The following SH3BP2 variants were observed in gnomAD, a reference collection of about 807,000 sequenced individuals.
SH3BP2 encodes SH3 domain binding protein 2.
SH3BP2 carries 38 observed loss-of-function variants against 56.2 expected under a neutral mutation model. The observed-to-expected ratio is 0.68, with a 90% CI of 0.52 to 0.89. The LOEUF is 0.89. SH3BP2 is among the 40% of genes least tolerant of loss of function. The pLI is 0.00. For missense variants in SH3BP2, 748 were observed against 762.6 expected (o/e 0.98, Z 0.23); for synonymous variants, 346 against 316.7 (o/e 1.09, Z -0.98).
At position 2,831,571 on chromosome 4, in the gene SH3BP2, G is replaced by C; in HGVS notation, c.1242G>C (p.Gln414His). The C allele has an allele frequency of 6.3e-7, 1 of 1,576,786 alleles. No individual in the cohort carries two copies. The highest frequency in any genetic ancestry group is 8.6e-7 in the Non-Finnish European group (1 of 1,160,344). Reference sequence around the variant, plus strand: ...TGCCTTCCTCTCCCTGCCCCTCCAGGCGATCACCCCCCGATGGGCAGAGTT... The same window carrying C: ...TGCCTTCCTCTCCCTGCCCCTCCAGCCGATCACCCCCCGATGGGCAGAGTT... ...RPEKPQLPHL[Q>H]RSPPDGQSFR... Residue 414 changes from glutamine to histidine, a missense_variant and splice_region_variant, in exon 9 of 13, where the codon CAG (glutamine) becomes CAC (histidine). Gln to His is a conservative substitution (Grantham distance 24). This residue lies in a region of SH3BP2 where 635 missense variants were observed against 615.0 expected (regional missense o/e 1.03). Transcript: ENST00000503393. The surrounding 1 kb of genome is among the most constrained non-coding windows in gnomAD (Gnocchi z 4.1).
Position 2,822,957 on chromosome 4 carries a change from C to T in SH3BP2, c.159C>T (p.Ile53=). The part of the protein sequence containing the change: ...LLKWPLRFVI[I]HKRCVYYFKS... ...CAGGGCCCCTGCGCTTTGTCATCATCCACAAACGCTGCGTCTACTACTTCA... is the reference window on the plus strand; with the variant it reads ...CAGGGCCCCTGCGCTTTGTCATCATTCACAAACGCTGCGTCTACTACTTCA... The change falls in exon 3 of 13, where the codon ATC becomes ATT. Residue 53 remains isoleucine (I), a synonymous_variant. Coordinates refer to ENST00000503393, the MANE Select transcript of SH3BP2 (RefSeq NM_001122681.2). 1 of 1,614,066 alleles carries T rather than the reference C, an allele frequency of 6.2e-7. No homozygotes were observed. Among genetic ancestry groups the T allele is most frequent in the Non-Finnish European group, 8.5e-7 (1 of 1,179,952 alleles).
chr4:2,800,928 G>A (rs903051721), intron 1 of SH3BP2, among the ~76,000 whole-genome samples: 23 of 152,152 alleles, frequency 1.5e-4, no homozygotes, highest in Non-Finnish European at 4.4e-5. Context: ...GAGGCTGAGC[G>A]GAGCTGTCTT....
chr4:2,830,849 C>T (rs77158237), intron 8 of SH3BP2, among the ~76,000 whole-genome samples: 8,439 of 152,238 alleles, frequency 0.055, 297 homozygotes, highest in African/African-American at 0.097. Context: ...GGCCGGCACG[C>T]GCACCCCCGA....
rs1026722132 is a variant in SH3BP2 at position 2,823,579 on chromosome 4, C to T, written c.239+542C>T. 3.3e-5 allele frequency: 15 copies of T among 454,526 alleles called. 1 individual carries two copies. Among genetic ancestry groups the T allele is most frequent in the Admixed American group, 2.1e-4 (9 of 42,380 alleles). The allele number at this position is 454,526 out of a possible 1,614,324, so 28.2% of individuals were successfully genotyped here. On this transcript the variant is annotated intron_variant, in intron 3 of 12. Coordinates refer to ENST00000503393, the MANE Select transcript of SH3BP2 (RefSeq NM_001122681.2). ...CCTTCTGCACTAACAGGCAGGTGGG[C>T]GGTGGCCAGGTGGCATGTGGGTGGG...
At chr4:2,795,075 T>TG (rs896366081) in intron 1 of SH3BP2, among the ~76,000 whole-genome samples, 24 of 152,144 alleles carry the variant, frequency 1.6e-4, no homozygotes, top group African/African-American at 5.8e-4. Context: ...ACTTTGTACC[T>TG]GGTGGGTGGC....
At chr4:2,819,013 C>A in intron 1 of SH3BP2, 1 of 441,192 alleles carries the variant, frequency 2.3e-6, no homozygotes, top group Non-Finnish European at 3.0e-6. Flanking sequence ...AGCTTACTGC[C>A]TCCTGGAACT....
chr4:2,828,488 G>C (rs2282771), intron 7 of SH3BP2, among the ~76,000 whole-genome samples: 119,560 of 152,060 alleles, frequency 0.79, 47,984 homozygotes, highest in African/African-American at 0.95. Flanking sequence ...TTCAGCCCAC[G>C]AGGGTCTGCG....
intron 1 of SH3BP2, chr4:2,799,007 G>A (rs1490731719): frequency 1.2e-5 from 12 of 985,500 alleles, no homozygotes; most frequent in Non-Finnish European, 1.4e-5. Flanking sequence ...CACGGGGCCT[G>A]GGAAACTCCA....
chr4:2,833,636 G>A, intron 12 of SH3BP2, 61 bp from the exon 13 acceptor site: 3 of 1,569,612 alleles, frequency 1.9e-6, no homozygotes, highest in East Asian at 2.4e-5. Flanking sequence ...CGGGGAGACT[G>A]AGGCCTAGAG....
intron 3 of SH3BP2, among the ~76,000 whole-genome samples, chr4:2,824,140 G>A (rs1169905845): frequency 2.0e-5 from 3 of 152,192 alleles, no homozygotes; most frequent in Non-Finnish European, 4.4e-5. Flanking sequence ...GGCTCCCCAC[G>A]TGATAAACTC....
intron 1 of SH3BP2, chr4:2,818,956 T>C: frequency 9.4e-6 from 9 of 955,928 alleles, no homozygotes; most frequent in Non-Finnish European, 8.7e-6. Flanking sequence ...ATTTTTTAAT[T>C]TTAGCTCCAG....
chr4:2,825,528 G>A (rs570110615), intron 5 of SH3BP2, among the ~76,000 whole-genome samples: 2,983 of 144,678 alleles, frequency 0.021, 61 homozygotes, highest in Admixed American at 0.045. Flanking sequence ...AGCAACACGT[G>A]GACATGCACA....
intron 1 of SH3BP2, among the ~76,000 whole-genome samples, chr4:2,803,954 C>T (rs1723428006): frequency 6.6e-6 from 1 of 152,134 alleles, no homozygotes; most frequent in Non-Finnish European, 1.5e-5. Flanking sequence ...TGGCGTTTGC[C>T]TGTAGGTGCT....
chr4:2,803,152 C>G (rs1425493180), intron 1 of SH3BP2, among the ~76,000 whole-genome samples: 1 of 152,200 alleles, frequency 6.6e-6, no homozygotes, highest in Non-Finnish European at 1.5e-5. Context: ...AGGCCACTTA[C>G]TGCTATACGG....
intron 1 of SH3BP2, among the ~76,000 whole-genome samples, chr4:2,819,475 G>A (rs963562007): frequency 6.6e-5 from 10 of 152,298 alleles, no homozygotes; most frequent in Non-Finnish European, 1.5e-4. Context: ...GGTTGGAGCT[G>A]TAGTGGAACC....
chr4:2,824,113 C>T (rs748357025), intron 3 of SH3BP2, among the ~76,000 whole-genome samples: 15 of 152,192 alleles, frequency 9.9e-5, no homozygotes, highest in East Asian at 1.9e-4. Flanking sequence ...GCACCTGCCC[C>T]GGTGCCTGGC....
In SH3BP2 at chr4:2,827,777, C is replaced by T. The variant is rs536915757; in HGVS notation, c.586+103C>T. ...AGGCTGGGGATGCTGGCCCAGGTAC[C>T]GCTCTGGGTGGCTTCCGCTTCCCTG... On this transcript the variant is annotated intron_variant, in intron 7 of 12. Coordinates refer to ENST00000503393, the MANE Select transcript of SH3BP2 (RefSeq NM_001122681.2). 7.5e-4 allele frequency: 747 copies of T among 993,178 alleles called. 1 individual carries two copies. The highest frequency in any genetic ancestry group is 8.2e-4 in the Non-Finnish European group (529 of 642,834). The allele number at this position is 993,178 out of a possible 1,614,324, so 61.5% of individuals were successfully genotyped here.
rs1326878343 is a variant in SH3BP2 at position 2,824,725 on chromosome 4, C to CGCAAGGTGACTGGGGGTCCTAGGACGAGT, written c.357+14_357+15insTAGGACGAGTGCAAGGTGACTGGGGGTCC. The CGCAAGGTGACTGGGGGTCCTAGGACGAGT allele has an allele frequency of 2.0e-5, 32 of 1,605,858 alleles. No individual in the cohort carries two copies. The highest frequency in any genetic ancestry group is 3.3e-4 in the Middle Eastern group (2 of 6,070). The stretch of plus-strand genomic sequence containing the variant: ...CTTCTCGGCCTCCTCCGAGGAGGAG[C>CGCAAGGTGACTGGGGGTCCTAGGACGAGT]GCAAGGTGACTGGGGGTCCGAGGAC... On this transcript the variant is annotated frameshift_variant, in exon 4 of 13. Transcript: ENST00000503393. LOFTEE classifies it high-confidence loss of function.
At chr4:2,811,480 G>C (rs1438770471) in intron 1 of SH3BP2, among the ~76,000 whole-genome samples, 1 of 152,216 alleles carries the variant, frequency 6.6e-6, no homozygotes, top group Non-Finnish European at 1.5e-5. Context: ...AGGAGAGGGA[G>C]GGCGCTCAGC....
Sources: allele counts gnomAD v4.1 joint callset (sites outside exome capture counted in the v4.1 genomes callset), GRCh38; gene constraint gnomAD v4.1.1; regional missense constraint gnomAD v4.1.1; non-coding constraint Gnocchi (gnomAD v3.1); transcripts MANE v1.5; gene names NCBI Gene and HGNC (gene_info 2026-07-23, HGNC 2026-07-21).